NRXN1: variants seen among roughly 807,000 people sequenced by gnomAD.
NRXN1 encodes the protein neurexin 1.
In NRXN1, 39 loss-of-function variants were observed where a neutral mutation model predicts 150.9. The ratio of observed to expected loss-of-function variants is 0.26; its 90% CI spans 0.20 to 0.34. The LOEUF is 0.34. NRXN1 is among the 10% of genes least tolerant of loss of function. The pLI is 1.00. For synonymous variants in NRXN1, 924 were observed against 757.0 expected, an observed-to-expected ratio of 1.22 and a Z score of -3.62; for missense variants, 1,815 against 1,949.9, an observed-to-expected ratio of 0.93 and a Z score of 1.30.
At chr2:50,961,351 A>G (rs1028863262) in intron 2 of NRXN1, among the ~76,000 whole-genome samples, 2 of 151,802 alleles carry the variant, frequency 1.3e-5, no homozygotes, top group Non-Finnish European at 1.5e-5. Flanking sequence ...TCTAATTCTC[A>G]TATCACACTG....
At chr2:50,823,273 TAC>T (rs1272785129) in intron 5 of NRXN1, among the ~76,000 whole-genome samples, 2 of 152,178 alleles carry the variant, frequency 1.3e-5, no homozygotes, top group Admixed American at 1.3e-4. Flanking sequence ...ACAAAACTGT[TAC>T]AGTGAGAAGA....
At chr2:50,279,773 A>C (rs1331503225) in intron 17 of NRXN1, among the ~76,000 whole-genome samples, 1 of 152,214 alleles carries the variant, frequency 6.6e-6, no homozygotes, top group South Asian at 2.1e-4. Context: ...TTTTCAAATT[A>C]GTAGCGATAA....
At chr2:50,138,272 T>C (rs1558956001) in intron 18 of NRXN1, among the ~76,000 whole-genome samples, 2 of 152,120 alleles carry the variant, frequency 1.3e-5, no homozygotes, top group African/African-American at 2.4e-5. Flanking sequence ...TAGCACCACA[T>C]GTAAGGCATC....
intron 21 of NRXN1, among the ~76,000 whole-genome samples, chr2:49,955,830 G>A (rs1408376331): frequency 6.6e-6 from 1 of 152,068 alleles, no homozygotes; most frequent in Admixed American, 6.6e-5. Flanking sequence ...AATAGTGTAA[G>A]ACAGAATGCA....
At chr2:50,381,098 C>T (rs1163830581) in intron 17 of NRXN1, among the ~76,000 whole-genome samples, 1 of 151,920 alleles carries the variant, frequency 6.6e-6, no homozygotes, top group Non-Finnish European at 1.5e-5. Flanking sequence ...ATATCAGGGA[C>T]ATAATAAATG....
intron 19 of NRXN1, among the ~76,000 whole-genome samples, chr2:50,070,782 A>AT (rs1558813327): frequency 6.6e-6 from 1 of 150,826 alleles, no homozygotes; most frequent in Non-Finnish European, 1.5e-5. Flanking sequence ...AAAAAAAAAA[A>AT]AAAAAAACCT....
chr2:50,522,038 G>C (rs983330648), intron 12 of NRXN1, among the ~76,000 whole-genome samples: 1 of 152,136 alleles, frequency 6.6e-6, no homozygotes, highest in Non-Finnish European at 1.5e-5. Flanking sequence ...AAGAAAGAGA[G>C]AGAGCAGAAA....
At chr2:50,248,433 G>T (rs2066714687) in intron 17 of NRXN1, among the ~76,000 whole-genome samples, 1 of 152,152 alleles carries the variant, frequency 6.6e-6, no homozygotes, top group Non-Finnish European at 1.5e-5. Flanking sequence ...AAACAGGAGA[G>T]CATTTAGAGG....
chr2:50,385,860 GA>G (rs1391092211), intron 17 of NRXN1, among the ~76,000 whole-genome samples: 5 of 151,752 alleles, frequency 3.3e-5, no homozygotes, highest in African/African-American at 1.2e-4. Flanking sequence ...GTAAAGTTCA[GA>G]AATTTCCTAA....
At chr2:50,338,108 T>C (rs1442054689) in intron 17 of NRXN1, among the ~76,000 whole-genome samples, 1 of 152,206 alleles carries the variant, frequency 6.6e-6, no homozygotes, top group African/African-American at 2.4e-5. Context: ...TATTTGCATA[T>C]TTAACAGCAT....
At chr2:50,810,762 A>C (rs932594318) in intron 5 of NRXN1, among the ~76,000 whole-genome samples, 15 of 152,160 alleles carry the variant, frequency 9.9e-5, no homozygotes, top group Admixed American at 9.2e-4. Flanking sequence ...CAGGTGGATC[A>C]AGAGGTCAGG....
chr2:50,878,458 A>G (rs1032994150), intron 5 of NRXN1, among the ~76,000 whole-genome samples: 20 of 151,978 alleles, frequency 1.3e-4, no homozygotes, highest in Non-Finnish European at 2.5e-4. Flanking sequence ...ACAGCTCTAC[A>G]ACATCTGAAG....
At chr2:50,663,270 T>G (rs1009352207) in intron 5 of NRXN1, among the ~76,000 whole-genome samples, 7 of 152,054 alleles carry the variant, frequency 4.6e-5, no homozygotes, top group Non-Finnish European at 1.0e-4. Context: ...CCTTCCAACT[T>G]TGCTGCTTGT....
intron 13 of NRXN1, 52 bp from the exon 14 acceptor site, chr2:50,497,766 A>T: frequency 2.6e-6 from 4 of 1,510,370 alleles, no homozygotes; most frequent in Non-Finnish European, 3.6e-6. Context: ...AGGCACTTTC[A>T]ACTTTAGGCT....
chr2:50,344,281 G>A (rs1027378779), intron 17 of NRXN1, among the ~76,000 whole-genome samples: 6 of 152,036 alleles, frequency 3.9e-5, no homozygotes, highest in African/African-American at 1.5e-4. Context: ...TCTCTATAAA[G>A]TTAATATTAT....
At chr2:50,043,843 A>G (rs1691392515) in intron 21 of NRXN1, among the ~76,000 whole-genome samples, 1 of 152,158 alleles carries the variant, frequency 6.6e-6, no homozygotes. Context: ...ATAGTTGAAT[A>G]TATTTGTTAC....
chr2:50,702,550 A>ATT (rs34515915), intron 5 of NRXN1, among the ~76,000 whole-genome samples: 4 of 151,884 alleles, frequency 2.6e-5, no homozygotes, highest in Admixed American at 1.3e-4. Context: ...TATTCATAGC[A>ATT]TTTTTTTGAA....
intron 8 of NRXN1, among the ~76,000 whole-genome samples, chr2:50,591,389 TAG>T (rs1553852415): frequency 9.2e-5 from 10 of 108,844 alleles, no homozygotes; most frequent in Non-Finnish European, 1.6e-4. Flanking sequence ...ATCAGATAGA[TAG>T]ATAGATAGAT....
intron 5 of NRXN1, among the ~76,000 whole-genome samples, chr2:50,889,728 A>C (rs1467005054): frequency 2.0e-5 from 3 of 151,700 alleles, no homozygotes; most frequent in Non-Finnish European, 4.4e-5. Flanking sequence ...TTTATGTTGG[A>C]ATATCACACT....
Sources: gnomAD v4.1 joint callset for allele counts (sites outside exome capture counted in the v4.1 genomes callset) on GRCh38, gnomAD v4.1.1 for gene constraint, MANE v1.5 for transcripts, NCBI Gene and HGNC (gene_info 2026-07-23, HGNC 2026-07-21) for gene names.